The following MGRN1 variants were observed in gnomAD, a reference collection of about 807,000 sequenced individuals.
The protein encoded by MGRN1 is E3 ubiquitin-protein ligase MGRN1.
A neutral mutation model predicts 69.2 loss-of-function variants in MGRN1; 29 were observed. That is an observed-to-expected ratio of 0.42 (90% CI 0.31 to 0.57). The LOEUF is 0.57. Ranked by LOEUF, MGRN1 falls within the 20% of genes least tolerant of loss-of-function variation. The pLI, the probability that MGRN1 is intolerant of heterozygous loss-of-function variation, is 0.15. For missense variants in MGRN1, 998 were observed against 796.2 expected, an observed-to-expected ratio of 1.25 and a Z score of -3.05; for synonymous variants, 470 against 344.2, an observed-to-expected ratio of 1.37 and a Z score of -4.04.
At chr16:4,687,716 C>T in intron 16 of MGRN1, 3 of 985,504 alleles carry the variant, frequency 3.0e-6, no homozygotes, top group Non-Finnish European at 3.6e-6. Flanking sequence ...GCGTGCAGCT[C>T]TGGTCTGCCG....
chr16:4,688,706 C>T (rs1409576962), intron 16 of MGRN1, 90 bp from the exon 17 acceptor site: 2 of 1,471,544 alleles, frequency 1.4e-6, no homozygotes, highest in East Asian at 2.5e-5. Flanking sequence ...CTGGATGGCC[C>T]AGCCCCTCTG....
chr16:4,629,129 C>T lies in MGRN1; in HGVS notation c.88+4081C>T, dbSNP rs186909853. Among the ~76,000 whole-genome samples, 337 of 148,206 alleles carry T rather than the reference C, an allele frequency of 2.3e-3. 1 individual carries two copies. Among genetic ancestry groups the T allele is most frequent in the Middle Eastern group, 0.01 (3 of 290 alleles). ...GGGATTACAGGGGTGAGCCACTGCACCTGGCCTGCTTTCTGTTCGTATGTG... is the reference window on the plus strand; with the variant it reads ...GGGATTACAGGGGTGAGCCACTGCATCTGGCCTGCTTTCTGTTCGTATGTG... On this transcript the variant is annotated intron_variant, in intron 1 of 16. Coordinates refer to ENST00000262370, the MANE Select transcript of MGRN1 (RefSeq NM_015246.4).
Position 4,652,737 on chromosome 16 carries a change from G to C in MGRN1, c.356G>C (p.Ser119Thr). ...GGCGACAAGCCCCGGGTGCTCTACA[G>C]CCTGGAGTTCACCTTCGACGCCGAT... is the stretch of plus-strand genomic sequence containing the variant. ...EDGDKPRVLY[S>T]LEFTFDADAR... The change falls in exon 4 of 17, where the codon AGC (serine) becomes ACC (threonine). Residue 119 changes from serine (S) to threonine (T), a missense_variant. Coordinates refer to ENST00000262370, the MANE Select transcript of MGRN1 (RefSeq NM_015246.4). 2 of 1,613,100 alleles carry C rather than the reference G, an allele frequency of 1.2e-6. No homozygotes were observed. The highest frequency in any genetic ancestry group is 1.1e-5 in the South Asian group (1 of 90,908).
chr16:4,687,727 A>C (rs966040341), intron 16 of MGRN1: 22 of 985,352 alleles, frequency 2.2e-5, no homozygotes, highest in Non-Finnish European at 1.2e-6. Flanking sequence ...TGGTCTGCCG[A>C]GGCCCATGCA....
At chr16:4,652,515 A>T (rs1596282348) in intron 3 of MGRN1, among the ~76,000 whole-genome samples, 163 bp from the exon 4 acceptor site, 1 of 152,176 alleles carries the variant, frequency 6.6e-6, no homozygotes, top group African/African-American at 2.4e-5. Flanking sequence ...GCCCTGGACC[A>T]CTGGGCTTTC....
intron 11 of MGRN1, among the ~76,000 whole-genome samples, chr16:4,679,166 G>A (rs1391222933): frequency 6.6e-6 from 1 of 152,250 alleles, no homozygotes; most frequent in East Asian, 1.9e-4. Context: ...GGTGGAGAGA[G>A]AAGCAGCCCC....
At position 4,652,836 on chromosome 16, in the gene MGRN1, G is replaced by A. The variant is rs562141484; in HGVS notation, c.443+12G>A. On this transcript the variant is annotated intron_variant, in intron 4 of 16. Transcript: ENST00000262370. ...AACGGCAGGGCAGTGTGAGTCCCGC[G>A]GGCGGCTGGCACCGGCCTGGCTGGG... The A allele has an allele frequency of 9.2e-5, 146 of 1,587,042 alleles. 1 individual carries two copies. The East Asian group carries it at 2.3e-3, about 25-fold the overall frequency.
At chr16:4,625,184 C>A in intron 1 of MGRN1, 136 bp downstream of exon 1, 1 of 791,038 alleles carries the variant, frequency 1.3e-6, no homozygotes. Flanking sequence ...AGCCTTCGCG[C>A]GGCCCCACGG....
chr16:4,683,397 G>A, intron 15 of MGRN1, 128 bp downstream of exon 15: 1 of 1,114,296 alleles, frequency 9.0e-7, no homozygotes, highest in Non-Finnish European at 1.3e-6. Context: ...CGGCCAAGAG[G>A]CCCCCCTCGG....
chr16:4,683,157 G>T, intron 14 of MGRN1, 67 bp from the exon 15 acceptor site: 1 of 1,594,476 alleles, frequency 6.3e-7, no homozygotes. Flanking sequence ...GTGCCTGATG[G>T]CGGCTTGTCC....
chr16:4,655,393 G>A (rs999101521), intron 4 of MGRN1, among the ~76,000 whole-genome samples: 1 of 152,232 alleles, frequency 6.6e-6, no homozygotes, highest in Non-Finnish European at 1.5e-5. Flanking sequence ...GGCTAGTGAT[G>A]AGAGAAATGC....
intron 11 of MGRN1, among the ~76,000 whole-genome samples, chr16:4,678,262 G>A (rs558009062): frequency 6.0e-5 from 9 of 149,074 alleles, no homozygotes; most frequent in African/African-American, 1.7e-4. Flanking sequence ...GGGACCTTAA[G>A]GGCAGGCCCT....
intron 4 of MGRN1, among the ~76,000 whole-genome samples, chr16:4,654,051 C>T (rs1018472352): frequency 1.3e-5 from 2 of 152,168 alleles, no homozygotes; most frequent in East Asian, 3.8e-4. Context: ...CATGCCCGGC[C>T]CACCTGGCCC....
chr16:4,632,212 C>T (rs1427626606), intron 1 of MGRN1, among the ~76,000 whole-genome samples: 1 of 150,148 alleles, frequency 6.7e-6, no homozygotes, highest in African/African-American at 2.5e-5. Context: ...AGATGGGTTT[C>T]ACCATGTTGG....
In MGRN1 at chr16:4,681,636, C is replaced by T. The variant is rs758665677; in HGVS notation, c.1218C>T (p.Pro406=). ...TCCGGGCTGTCTCCCCGGCCATCCCCTCGGCCCCTCTTTATGAAGAAATCA... is the reference window on the plus strand; with the variant it reads ...TCCGGGCTGTCTCCCCGGCCATCCCTTCGGCCCCTCTTTATGAAGAAATCA... ...NGLRAVSPAI[P]SAPLYEEITY... Residue 406 remains proline, a synonymous_variant, in exon 13 of 17, where the codon CCC becomes CCT. Transcript: ENST00000262370. 2 of 1,613,526 alleles carry T rather than the reference C, an allele frequency of 1.2e-6. No homozygotes were observed. Among genetic ancestry groups the T allele is most frequent in the South Asian group, 1.1e-5 (1 of 91,086 alleles).
chr16:4,688,911 G>T lies in MGRN1; in HGVS notation c.*3G>T, dbSNP rs764454383. The T allele has an allele frequency of 4.6e-6, 7 of 1,537,544 alleles. No homozygotes were observed. Among genetic ancestry groups the T allele is most frequent in the South Asian group, 1.2e-5 (1 of 83,834 alleles). ...CCGCCGAGCTGACCCCACTCTGAGA[G>T]CCTGGCCGAGCTGGCAGCATGGAGC... On this transcript the variant is annotated 3_prime_UTR_variant, in exon 17 of 17. Transcript: ENST00000262370.
chr16:4,661,905 A>G (rs2078690551), intron 5 of MGRN1, among the ~76,000 whole-genome samples: 4 of 152,318 alleles, frequency 2.6e-5, no homozygotes, highest in Middle Eastern at 6.8e-3. Flanking sequence ...TCTGGTCTGA[A>G]TGGAACTCTT....
At chr16:4,628,871 C>T (rs924269676) in intron 1 of MGRN1, among the ~76,000 whole-genome samples, 2 of 151,536 alleles carry the variant, frequency 1.3e-5, no homozygotes, top group African/African-American at 2.4e-5. Context: ...GAGACAGTCT[C>T]GCTCTGTTGC....
At chr16:4,634,255 C>T (rs1898161613) in intron 1 of MGRN1, 1 of 152,354 alleles carries the variant, frequency 6.6e-6, no homozygotes, top group Non-Finnish European at 1.5e-5. Flanking sequence ...CCATGTGAGC[C>T]AGCAGGGAGG....
Sources: allele counts gnomAD v4.1 joint callset (sites outside exome capture counted in the v4.1 genomes callset), GRCh38; gene constraint gnomAD v4.1.1; transcripts MANE v1.5; gene names NCBI Gene and HGNC (gene_info 2026-07-23, HGNC 2026-07-21).